The following ERO1B variants were observed in gnomAD, a reference collection of about 807,000 sequenced individuals.
ERO1B encodes the protein ERO1-like protein beta.
A neutral mutation model predicts 75.3 loss-of-function variants in ERO1B; 49 were observed. That is an observed-to-expected ratio of 0.65 (90% CI 0.52 to 0.83). The LOEUF (loss-of-function observed/expected upper bound fraction) is 0.83, where lower values mean the gene tolerates loss of function less well. Ranked by LOEUF, ERO1B falls within the 40% of genes least tolerant of loss-of-function variation. ERO1B has a pLI of 0.00. For synonymous variants in ERO1B, 191 were observed against 192.9 expected, an observed-to-expected ratio of 0.99 and a Z score of 0.08; for missense variants, 512 against 560.1, an observed-to-expected ratio of 0.91 and a Z score of 0.87.
At chr1:236,251,221 T>A (rs1027592408) in intron 4 of ERO1B, among the ~76,000 whole-genome samples, 40 of 151,800 alleles carry the variant, frequency 2.6e-4, no homozygotes, top group African/African-American at 8.4e-4. Context: ...TTAAAAAAAA[T>A]TTACACACAA....
Position 236,227,024 on chromosome 1 carries a change from T to A in ERO1B, c.713-285A>T, listed in dbSNP as rs549863541. Among the ~76,000 whole-genome samples, 15 of 152,306 alleles carry A rather than the reference T, an allele frequency of 9.8e-5. No homozygotes were observed. The South Asian group carries it at 3.1e-3, about 32-fold the overall frequency. ...TATGGATAAAGTTGGCAAGTTCCCA[T>A]GTTAGACAGCAACAGCACAGGTTTT... On this transcript the variant is annotated intron_variant, in intron 10 of 15. Transcript: ENST00000354619.
At chr1:236,276,998 G>A (rs905300052) in intron 1 of ERO1B, among the ~76,000 whole-genome samples, 3 of 152,270 alleles carry the variant, frequency 2.0e-5, no homozygotes, top group South Asian at 4.1e-4. Context: ...GCACTTCCCC[G>A]ATTGTAAGTT....
intron 9 of ERO1B, 81 bp from the exon 10 acceptor site, chr1:236,230,331 G>T (rs1466848556): frequency 2.4e-6 from 3 of 1,266,580 alleles, no homozygotes; most frequent in Non-Finnish European, 3.4e-6. Flanking sequence ...AAATCTTTCT[G>T]CAGGGCATGG....
chr1:236,277,656 C>T (rs952364339), intron 1 of ERO1B, among the ~76,000 whole-genome samples: 2 of 152,090 alleles, frequency 1.3e-5, no homozygotes, highest in African/African-American at 2.4e-5. Flanking sequence ...ATATGGGTTA[C>T]TCTGTGGAAT....
chr1:236,230,165 G>T, intron 10 of ERO1B, 59 bp downstream of exon 10: 1 of 1,334,990 alleles, frequency 7.5e-7, no homozygotes, highest in Non-Finnish European at 1.1e-6. Context: ...ACAAAAATAT[G>T]CTAAATAAAT....
At chr1:236,230,097 A>G in intron 10 of ERO1B, 127 bp downstream of exon 10, 1 of 746,356 alleles carries the variant, frequency 1.3e-6, no homozygotes, top group Admixed American at 2.6e-5. Flanking sequence ...AACCTAAAAC[A>G]CATTTTTTTT....
chr1:236,234,404 G>C (rs1664488026), intron 8 of ERO1B, among the ~76,000 whole-genome samples: 1 of 152,142 alleles, frequency 6.6e-6, no homozygotes, highest in South Asian at 2.1e-4. Context: ...GAAAAGGTCT[G>C]GAAGAACACC....
chr1:236,268,659 G>A (rs1008018760), intron 2 of ERO1B, among the ~76,000 whole-genome samples: 1 of 151,846 alleles, frequency 6.6e-6, no homozygotes, highest in Non-Finnish European at 1.5e-5. Flanking sequence ...GGCCAAGGCG[G>A]GCGGATCACA....
intron 5 of ERO1B, among the ~76,000 whole-genome samples, chr1:236,244,166 A>G (rs1276606330): frequency 2.0e-5 from 3 of 152,200 alleles, no homozygotes; most frequent in Non-Finnish European, 4.4e-5. Flanking sequence ...TGATGGTAGT[A>G]TCTATCAGAG....
intron 15 of ERO1B, among the ~76,000 whole-genome samples, chr1:236,219,939 G>A (rs924981153): frequency 6.7e-6 from 1 of 149,312 alleles, no homozygotes; most frequent in Admixed American, 6.8e-5. Context: ...TGGAAGGAAC[G>A]CCTGACCCCA....
At chr1:236,281,619 C>A in intron 1 of ERO1B, 63 bp downstream of exon 1, 1 of 1,145,434 alleles carries the variant, frequency 8.7e-7, no homozygotes, top group Non-Finnish European at 1.1e-6. Flanking sequence ...ACAGCCGCGG[C>A]CCGTGTGTAG....
chr1:236,240,360 T>G (rs1558511148), intron 6 of ERO1B, among the ~76,000 whole-genome samples: 1 of 152,142 alleles, frequency 6.6e-6, no homozygotes, highest in Non-Finnish European at 1.5e-5. Context: ...ACAGAACAAC[T>G]TAGTGTGCAA....
chr1:236,270,043 TAAC>T, intron 1 of ERO1B, 49 bp from the exon 2 acceptor site: 1 of 1,291,126 alleles, frequency 7.7e-7, no homozygotes, highest in Non-Finnish European at 1.1e-6. Context: ...GTTTCAACCT[TAAC>T]AAATCTACAC....
intron 5 of ERO1B, among the ~76,000 whole-genome samples, chr1:236,248,716 T>C (rs996664133): frequency 1.3e-5 from 2 of 152,118 alleles, no homozygotes; most frequent in Admixed American, 1.3e-4. Context: ...TATTTATACA[T>C]ATAAATATAT....
rs1354556151 is a variant in ERO1B at position 236,215,923 on chromosome 1, C to G, written c.*2593G>C. ...AACATGGCAGAGTTTCATATACATA[C>G]AGAGATTACAAATATCGAATAATTC... On this transcript the variant is annotated 3_prime_UTR_variant, in exon 16 of 16. Coordinates refer to ENST00000354619, the MANE Select transcript of ERO1B (RefSeq NM_019891.4). 5 of 85,442 alleles carry G rather than the reference C, an allele frequency of 5.9e-5. No homozygotes were observed. The highest frequency in any genetic ancestry group is 8.1e-5 in the Non-Finnish European group (3 of 37,206). The allele number at this position is 85,442 out of a possible 1,614,324, so 5.3% of individuals were successfully genotyped here. A position where few individuals can be genotyped will look rare whatever the true frequency, so the allele number is the denominator to read the frequency against.
rs1381460880 is a variant in ERO1B, at chr1:236,246,554, G to A, written c.432-3059C>T. Among the ~76,000 whole-genome samples, 7 of 152,234 alleles carry A rather than the reference G, an allele frequency of 4.6e-5. No homozygotes were observed. In the East Asian group the frequency reaches 1.3e-3, roughly 29 times the overall value. On this transcript the variant is annotated intron_variant, in intron 5 of 15. Transcript: ENST00000354619. ...GGAAACATGGCACATTCTTACTATA[G>A]AATACTATGTGCCAATAAAAAAGAA... is the stretch of plus-strand genomic sequence containing the variant.
chr1:236,221,803 G>T, intron 14 of ERO1B, 121 bp downstream of exon 14: 1 of 715,146 alleles, frequency 1.4e-6, no homozygotes, highest in Non-Finnish European at 2.4e-6. Flanking sequence ...AAAACACCTT[G>T]GATCTGCCTA....
intron 2 of ERO1B, among the ~76,000 whole-genome samples, chr1:236,257,031 A>C (rs1665175170): frequency 6.6e-6 from 1 of 152,246 alleles, no homozygotes; most frequent in Admixed American, 6.5e-5. Flanking sequence ...CTCTGCAAGG[A>C]AAGAAGAAAC....
chr1:236,237,146 G>GTCTC (rs1558509868), intron 6 of ERO1B, among the ~76,000 whole-genome samples: 1 of 130,480 alleles, frequency 7.7e-6, no homozygotes, highest in Non-Finnish European at 1.6e-5. Context: ...TTGAGACGGA[G>GTCTC]TCTCACTCTG....
Sources: allele counts gnomAD v4.1 joint callset (sites outside exome capture counted in the v4.1 genomes callset), GRCh38; gene constraint gnomAD v4.1.1; transcripts MANE v1.5; gene names NCBI Gene and HGNC (gene_info 2026-07-23, HGNC 2026-07-21).